The following COL16A1 variants were observed in gnomAD, a reference collection of about 807,000 sequenced individuals.
COL16A1 encodes the protein collagen alpha-1(XVI) chain.
Under a neutral mutation model 266.3 loss-of-function variants are expected in COL16A1, and 189 were observed. The observed-to-expected ratio is 0.71, with a 90% confidence interval of 0.63 to 0.80. The LOEUF is 0.80. Ranked by LOEUF, COL16A1 falls within the 30% of genes least tolerant of loss-of-function variation. The probability of loss-of-function intolerance (pLI) is 0.00; values close to 1 mark genes in which losing one functional copy is unlikely to be tolerated. For synonymous variants in COL16A1, 740 were observed against 782.3 expected, an observed-to-expected ratio of 0.95 and a Z score of 0.90; for missense variants, 1,928 against 2,122.4, an observed-to-expected ratio of 0.91 and a Z score of 1.80.
At chr1:31,696,845 C>T in intron 8 of COL16A1, 118 bp downstream of exon 8, 2 of 1,514,774 alleles carry the variant, frequency 1.3e-6, no homozygotes, top group Non-Finnish European at 1.8e-6. Context: ...GCTTCCAGTG[C>T]CCCTCCTGCC....
intron 23 of COL16A1, 38 bp from the exon 24 acceptor site, chr1:31,689,123 C>T (rs373970043): frequency 1.9e-5 from 31 of 1,612,486 alleles, no homozygotes; most frequent in Admixed American, 3.3e-5. Flanking sequence ...AGGCAGGGCA[C>T]GATGGGGCAC....
Position 31,679,829 on chromosome 1 carries a change from C to T in COL16A1, c.2693G>A (p.Gly898Asp), listed in dbSNP as rs752510988. The change falls in exon 41 of 71, where the codon GGC becomes GAC. Residue 898 changes from glycine to aspartate, a missense_variant. Gly to Asp is a moderately conservative substitution (Grantham distance 94). Coordinates refer to ENST00000373672, the MANE Select transcript of COL16A1 (RefSeq NM_001856.4). ...CTGCGGGCCCGGCTGCCAGGAGCTG[C>T]CCATCCAAAGTCCCGGAGCACCCTG... is the stretch of plus-strand genomic sequence containing the variant. The part of the protein sequence containing the change: ...GMPGAPGLWM[G>D]SSWQPGPQGP... 2 of 1,540,110 alleles carry T rather than the reference C, an allele frequency of 1.3e-6. No homozygotes were observed. Among genetic ancestry groups the T allele is most frequent in the Admixed American group, 2.0e-5 (1 of 49,108 alleles).
chr1:31,654,968 ATTCTTTT>A, intron 67 of COL16A1, 110 bp from the exon 68 acceptor site: 9 of 435,966 alleles, frequency 2.1e-5, no homozygotes, highest in South Asian at 3.7e-5. Context: ...CCTCCCACAG[ATTCTTTT>A]TTTTTTTTTT....
Position 31,670,459 on chromosome 1 carries a change from C to T in COL16A1, c.3195+143G>A. The stretch of plus-strand genomic sequence containing the variant: ...TCCAAGCTGCCGGGACCTCAGAGAA[C>T]CCGTGTCGTTAGCTACCGTGCCTGA... On this transcript the variant is annotated intron_variant, in intron 49 of 70. Coordinates refer to ENST00000373672, the MANE Select transcript of COL16A1 (RefSeq NM_001856.4). The surrounding 1 kb of genome is among the most constrained non-coding windows in gnomAD (Gnocchi z 4.5). 5 of 1,107,842 alleles carry T rather than the reference C, an allele frequency of 4.5e-6. No homozygotes were observed. Among genetic ancestry groups the T allele is most frequent in the Non-Finnish European group, 5.9e-6 (5 of 847,036 alleles). The allele number at this position is 1,107,842 out of a possible 1,614,324, so 68.6% of individuals were successfully genotyped here. A position where few individuals can be genotyped will look rare whatever the true frequency, so the allele number is the denominator to read the frequency against.
At position 31,670,597 on chromosome 1, in the gene COL16A1, C is replaced by G; in HGVS notation, c.3195+5G>C. The G allele has an allele frequency of 7.1e-7, 1 of 1,401,146 alleles. No individual in the cohort carries two copies. The highest frequency in any genetic ancestry group is 9.3e-7 in the Non-Finnish European group (1 of 1,078,290). 86.8% of individuals were successfully genotyped at this position (1,401,146 alleles called of 1,614,324 possible). ...AGGGGAGGTCGAGCAGCGCTAGGTT[C>G]TTACAGGCAATCCGGGGGAGCCAAC... On this transcript the variant is annotated splice_donor_5th_base_variant and intron_variant, in intron 49 of 70. Transcript: ENST00000373672. The surrounding 1 kb of genome is among the most constrained non-coding windows in gnomAD (Gnocchi z 4.5).
chr1:31,695,680 T>G (rs2148821100), intron 10 of COL16A1, 81 bp downstream of exon 10: 1 of 1,364,304 alleles, frequency 7.3e-7, no homozygotes. Context: ...AGCACCCCTA[T>G]GCTGAGGATC....
chr1:31,684,386 C>G, intron 31 of COL16A1, 137 bp downstream of exon 31: 1 of 1,481,510 alleles, frequency 6.7e-7, no homozygotes, highest in South Asian at 1.4e-5. Context: ...AGAGGAGAAG[C>G]CCCGAGGAGC....
intron 2 of COL16A1, chr1:31,701,310 G>C: frequency 1.0e-6 from 1 of 985,328 alleles, no homozygotes; most frequent in Non-Finnish European, 1.2e-6. Context: ...CCCAGTGAGG[G>C]AGAGGAGAGC....
chr1:31,683,819 T>C, intron 33 of COL16A1, 71 bp from the exon 34 acceptor site: 21 of 1,610,838 alleles, frequency 1.3e-5, no homozygotes, highest in South Asian at 4.4e-5. Context: ...CCCAGCCCCT[T>C]CTCCTCCAGC....
intron 8 of COL16A1, among the ~76,000 whole-genome samples, chr1:31,696,555 G>A (rs571062107): frequency 8.5e-5 from 13 of 152,360 alleles, no homozygotes; most frequent in South Asian, 2.1e-4. Context: ...CCTGGCCGGC[G>A]CTGGGCCCAG....
chr1:31,689,607 A>G, intron 23 of COL16A1, 134 bp downstream of exon 23: 1 of 725,228 alleles, frequency 1.4e-6, no homozygotes, highest in East Asian at 2.6e-5. Flanking sequence ...GTAAGAGCCT[A>G]GACTCTCTGC....
At chr1:31,676,853 A>G (rs188174624) in intron 42 of COL16A1, among the ~76,000 whole-genome samples, 1 of 152,304 alleles carries the variant, frequency 6.6e-6, no homozygotes, top group African/African-American at 2.4e-5. Flanking sequence ...TCCTCCCTGC[A>G]CAGGATTTCC....
rs1461687321 is a variant in COL16A1, at chr1:31,685,357, C to G, written c.2016+282G>C. ...AGAGGTGGAGAGAAGGTGACTTGCTCAAGTCAAAGACTTAGTAAGAAGCAA... is the reference window on the plus strand; with the variant it reads ...AGAGGTGGAGAGAAGGTGACTTGCTGAAGTCAAAGACTTAGTAAGAAGCAA... On this transcript the variant is annotated intron_variant, in intron 29 of 70. Coordinates refer to ENST00000373672, the MANE Select transcript of COL16A1 (RefSeq NM_001856.4). The surrounding 1 kb of genome is among the most constrained non-coding windows in gnomAD (Gnocchi z 4.0). Among the ~76,000 whole-genome samples the G allele has an allele frequency of 6.6e-6, 1 of 152,198 alleles. No homozygotes were observed. Among genetic ancestry groups the G allele is most frequent in the Non-Finnish European group, 1.5e-5 (1 of 68,024 alleles).
intron 26 of COL16A1, among the ~76,000 whole-genome samples, chr1:31,687,211 G>A (rs530609417): frequency 8.5e-5 from 13 of 152,050 alleles, no homozygotes; most frequent in South Asian, 8.3e-4. Context: ...GCAAAACCCC[G>A]TCTCTACTAA....
rs369265641 is a variant in COL16A1 at position 31,690,348 on chromosome 1, A to G, written c.1509+19T>C. 21 of 1,613,406 alleles carry G rather than the reference A, an allele frequency of 1.3e-5. No homozygotes were observed. The highest frequency in any genetic ancestry group is 1.8e-4 in the Middle Eastern group (1 of 5,612). ...GTCCCGTTCCCACCCCGATCTGGGC[A>G]GCCAGGCCTAGGACTCACCTTCTCT... is the stretch of plus-strand genomic sequence containing the variant. On this transcript the variant is annotated intron_variant, in intron 22 of 70. Coordinates refer to ENST00000373672, the MANE Select transcript of COL16A1 (RefSeq NM_001856.4).
Position 31,697,273 on chromosome 1 carries a change from A to G in COL16A1, c.685T>C (p.Cys229Arg). The change falls in exon 7 of 71, where the codon TGT (cysteine) becomes CGT (arginine). Residue 229 changes from cysteine (C) to arginine (R), a missense_variant. By Grantham distance (180) the Cys-to-Arg change is radical. Transcript: ENST00000373672. The surrounding 1 kb of genome is among the most constrained non-coding windows in gnomAD (Gnocchi z 4.2). ...TCCTCCAGCACGAGCTCCGGGTCACAGTAGATGTGCACCTGCTGAAGGTCA... is the reference window on the plus strand; with the variant it reads ...TCCTCCAGCACGAGCTCCGGGTCACGGTAGATGTGCACCTGCTGAAGGTCA... ...SFDLQQVHIY[C>R]DPELVLEEGC... is the part of the protein sequence containing the mutation. 1 of 1,611,968 alleles carries G rather than the reference A, an allele frequency of 6.2e-7. No individual in the cohort carries two copies. Among genetic ancestry groups the G allele is most frequent in the Middle Eastern group, 1.7e-4 (1 of 6,060 alleles).
intron 63 of COL16A1, among the ~76,000 whole-genome samples, 154 bp downstream of exon 63, chr1:31,658,760 A>G (rs1641388767): frequency 6.6e-6 from 1 of 152,204 alleles, no homozygotes; most frequent in African/African-American, 2.4e-5. Flanking sequence ...CACATCCTGG[A>G]AGGCGAGATC....
chr1:31,658,417 G>T, intron 64 of COL16A1, 71 bp downstream of exon 64: 1 of 1,272,392 alleles, frequency 7.9e-7, no homozygotes, highest in Non-Finnish European at 1.1e-6. Context: ...GATATGTTGT[G>T]CTGTGCTCAA....
At position 31,685,747 on chromosome 1, in the gene COL16A1, TG is replaced by T. The variant is rs754176477; in HGVS notation, c.1907del (p.Pro636GlnfsTer45). ...GAKGEPCEPC[P>X]ALSNLQDGDV... Reference sequence around the variant, plus strand: ...CCCCATCCTGAAGGTTGGACAGGGCTGGGCACGGCTCACAGGGCTCCCCCTG... The same window carrying T: ...CCCCATCCTGAAGGTTGGACAGGGCTGGCACGGCTCACAGGGCTCCCCCTG... On this transcript the variant is annotated frameshift_variant, in exon 29 of 71. Transcript: ENST00000373672. LOFTEE classifies it high-confidence loss of function. This position sits in a 1 kb window ranked among gnomAD's most constrained non-coding sequence, Gnocchi z 4.0. 2 of 1,613,840 alleles carry T rather than the reference TG, an allele frequency of 1.2e-6. No individual in the cohort carries two copies. The highest frequency in any genetic ancestry group is 3.3e-5 in the Admixed American group (2 of 60,006).
Sources: allele counts gnomAD v4.1 joint callset (sites outside exome capture counted in the v4.1 genomes callset), GRCh38; gene constraint gnomAD v4.1.1; non-coding constraint Gnocchi (gnomAD v3.1); transcripts MANE v1.5; gene names NCBI Gene and HGNC (gene_info 2026-07-23, HGNC 2026-07-21).